TLN2: variants seen among roughly 807,000 people sequenced by gnomAD.
TLN2 encodes talin 2.
A neutral mutation model predicts 294.7 loss-of-function variants in TLN2; 118 were observed. The ratio of observed to expected loss-of-function variants is 0.40; its 90% CI spans 0.34 to 0.47. TLN2 has a LOEUF of 0.47. TLN2 is among the 20% of genes least tolerant of loss of function. The pLI is 0.84. For synonymous variants in TLN2, 1,431 were observed against 1,304.5 expected (o/e 1.10, Z -2.09); for missense variants, 3,083 against 3,282.2 (o/e 0.94, Z 1.48).
intron 7 of TLN2, among the ~76,000 whole-genome samples, chr15:62,653,921 A>G (rs1182977204): frequency 6.6e-6 from 1 of 152,176 alleles, no homozygotes; most frequent in Non-Finnish European, 1.5e-5. Context: ...TTGTTTTACT[A>G]AGTGTCTTTC....
At chr15:62,605,737 C>G (rs1386468905) in intron 2 of TLN2, among the ~76,000 whole-genome samples, 1 of 152,116 alleles carries the variant, frequency 6.6e-6, no homozygotes, top group Non-Finnish European at 1.5e-5. Context: ...ACCTATAAGC[C>G]CATGTCATTG....
chr15:62,473,799 A>G (rs2037625280), intron 1 of TLN2, among the ~76,000 whole-genome samples: 1 of 152,206 alleles, frequency 6.6e-6, no homozygotes, highest in Non-Finnish European at 1.5e-5. Context: ...GCATTTACAA[A>G]GGAGTTGTAC....
At chr15:62,586,666 AAAT>A (rs1460488565) in intron 1 of TLN2, among the ~76,000 whole-genome samples, 6 of 151,774 alleles carry the variant, frequency 4.0e-5, no homozygotes, top group Non-Finnish European at 7.3e-5. Context: ...AACCCAATAA[AAAT>A]AAATCTGTGA....
At chr15:62,808,668 G>T (rs1342575516) in intron 51 of TLN2, among the ~76,000 whole-genome samples, 1 of 152,192 alleles carries the variant, frequency 6.6e-6, no homozygotes, top group African/African-American at 2.4e-5. Context: ...ATCCGGGCCT[G>T]TGTCTTCCCG....
At chr15:62,540,014 C>G (rs889694106) in intron 1 of TLN2, among the ~76,000 whole-genome samples, 1 of 151,948 alleles carries the variant, frequency 6.6e-6, no homozygotes, top group African/African-American at 2.4e-5. Context: ...CAAACGAACT[C>G]ATCACTGTGC....
intron 3 of TLN2, among the ~76,000 whole-genome samples, chr15:62,642,376 C>CA (rs1333774139): frequency 1.3e-5 from 2 of 152,236 alleles, no homozygotes; most frequent in African/African-American, 4.8e-5. Flanking sequence ...TTCACGCAGT[C>CA]AAACTAGAAG....
chr15:62,413,741 C>T (rs1376431898), intron 1 of TLN2, among the ~76,000 whole-genome samples: 2 of 152,110 alleles, frequency 1.3e-5, no homozygotes, highest in African/African-American at 4.8e-5. Context: ...TGAAAGGGCT[C>T]CAGTGCAGAG....
intron 3 of TLN2, among the ~76,000 whole-genome samples, chr15:62,641,344 C>T (rs895726348): frequency 4.6e-5 from 7 of 152,188 alleles, no homozygotes; most frequent in South Asian, 2.1e-4. Context: ...AGGCCGGGCA[C>T]GGTGGCTCAC....
At chr15:62,460,343 GCAA>G (rs2036729964) in intron 1 of TLN2, among the ~76,000 whole-genome samples, 1 of 148,568 alleles carries the variant, frequency 6.7e-6, no homozygotes, top group South Asian at 2.2e-4. Context: ...TCAGCTCACC[GCAA>G]CCTCCGCCTC....
intron 3 of TLN2, among the ~76,000 whole-genome samples, chr15:62,620,686 T>C (rs190344861): frequency 3.9e-4 from 59 of 151,854 alleles, no homozygotes; most frequent in African/African-American, 1.4e-3. Context: ...TTTGCTATGT[T>C]GCCCAGGTTG....
chr15:62,597,608 C>T (rs948995271), intron 2 of TLN2, among the ~76,000 whole-genome samples: 8 of 152,180 alleles, frequency 5.3e-5, no homozygotes, highest in Admixed American at 5.2e-4. Context: ...GCACAGGGCT[C>T]AGCAAATGCC....
intron 12 of TLN2, among the ~76,000 whole-genome samples, chr15:62,690,859 C>T (rs892852149): frequency 3.6e-4 from 54 of 151,812 alleles, no homozygotes; most frequent in Non-Finnish European, 7.1e-4. Flanking sequence ...AAAAAAAATA[C>T]GAAAACCAGT....
chr15:62,655,644 C>T (rs1265469220), intron 7 of TLN2, among the ~76,000 whole-genome samples: 38 of 1,318 alleles, frequency 0.029, 14 homozygotes, highest in Non-Finnish European at 0.27. Context: ...TGTACTGGGC[C>T]ATGGGAATGC....
At chr15:62,428,355 T>C (rs1396522646) in intron 1 of TLN2, among the ~76,000 whole-genome samples, 2 of 152,204 alleles carry the variant, frequency 1.3e-5, no homozygotes, top group African/African-American at 4.8e-5. Flanking sequence ...TTATTTTGTT[T>C]GTTTGTCTTT....
chr15:62,809,946 G>A lies in TLN2; in HGVS notation c.6685G>A (p.Val2229Ile). Residue 2229 changes from valine to isoleucine, a missense_variant, in exon 52 of 59, where the codon GTC becomes ATC. By Grantham distance (29) the Val-to-Ile change is conservative (BLOSUM62 3). Coordinates refer to ENST00000636159, the MANE Select transcript of TLN2 (RefSeq NM_015059.3). ...CCAGCAAGCATCCTTCCACCCCGATGTCAGTGACGAGGTGAGAACCAGAGC... is the reference window on the plus strand; with the variant it reads ...CCAGCAAGCATCCTTCCACCCCGATATCAGTGACGAGGTGAGAACCAGAGC... ...ACKQASFHPD[V>I]SDEVRTRALR... 1 of 1,614,166 alleles carries A rather than the reference G, an allele frequency of 6.2e-7. No individual in the cohort carries two copies.
chr15:62,832,866 A>G (rs2069021540), intron 54 of TLN2: 1 of 150,900 alleles, frequency 6.6e-6, no homozygotes, highest in Non-Finnish European at 1.5e-5. Context: ...TCCATTTTTG[A>G]GGCTTAGGCT....
intron 1 of TLN2, among the ~76,000 whole-genome samples, chr15:62,503,679 C>G (rs1306825129): frequency 6.6e-6 from 1 of 152,238 alleles, no homozygotes; most frequent in Admixed American, 6.5e-5. Flanking sequence ...CCCATTTCCT[C>G]TCTTGGCTCT....
At chr15:62,601,752 G>T (rs1024540421) in intron 2 of TLN2, among the ~76,000 whole-genome samples, 3 of 152,058 alleles carry the variant, frequency 2.0e-5, no homozygotes, top group African/African-American at 7.2e-5. Flanking sequence ...AATTTATCTT[G>T]GAAAGTCGGG....
chr15:62,553,660 C>A (rs2042446555), intron 1 of TLN2, among the ~76,000 whole-genome samples: 2 of 152,064 alleles, frequency 1.3e-5, no homozygotes, highest in Admixed American at 1.3e-4. Flanking sequence ...AGAAAATGCA[C>A]ATAAAAATAA....
Sources: gnomAD v4.1 joint callset for allele counts (sites outside exome capture counted in the v4.1 genomes callset) on GRCh38, gnomAD v4.1.1 for gene constraint, MANE v1.5 for transcripts, NCBI Gene and HGNC (gene_info 2026-07-23, HGNC 2026-07-21) for gene names.